Variants in CDH12 observed in about 807,000 individuals in gnomAD.
CDH12 encodes the protein cadherin 12.
Under a neutral mutation model 74.1 loss-of-function variants are expected in CDH12, and 41 were observed. That is an observed-to-expected ratio of 0.55 (90% CI 0.43 to 0.72). The LOEUF (loss-of-function observed/expected upper bound fraction) is 0.72. CDH12 is among the 30% of genes least tolerant of loss of function. CDH12 has a pLI of 0.00. For missense variants in CDH12, 945 were observed against 977.2 expected (o/e 0.97, Z 0.44); for synonymous variants, 399 against 355.0 (o/e 1.12, Z -1.39).
intron 1 of CDH12, among the ~76,000 whole-genome samples, chr5:22,661,160 A>G (rs545447559): frequency 1.3e-5 from 2 of 152,318 alleles, no homozygotes; most frequent in African/African-American, 4.8e-5. Flanking sequence ...AGATGGTACA[A>G]TCAATGAGAA....
chr5:22,756,286 A>C (rs778347275), intron 1 of CDH12, among the ~76,000 whole-genome samples: 1 of 152,110 alleles, frequency 6.6e-6, no homozygotes, highest in Non-Finnish European at 1.5e-5. Context: ...TAACAAATCC[A>C]TCGTACACTA....
intron 7 of CDH12, among the ~76,000 whole-genome samples, chr5:21,853,434 G>A (rs988357368): frequency 2.4e-4 from 36 of 151,458 alleles, no homozygotes; most frequent in Non-Finnish European, 5.9e-5. Flanking sequence ...TTTACATAAC[G>A]GAGTGACTCC....
intron 5 of CDH12, among the ~76,000 whole-genome samples, chr5:21,995,335 A>G (rs1425516389): frequency 1.3e-5 from 2 of 151,782 alleles, no homozygotes; most frequent in Admixed American, 6.6e-5. Context: ...TTCATCATGT[A>G]AATTGATATG....
intron 1 of CDH12, among the ~76,000 whole-genome samples, chr5:22,565,967 C>T (rs1739262428): frequency 6.6e-6 from 1 of 152,022 alleles, no homozygotes; most frequent in African/African-American, 2.4e-5. Context: ...ATCCAAGCAA[C>T]CATGGAAGCC....
At chr5:22,601,787 G>A (rs1312212720) in intron 1 of CDH12, among the ~76,000 whole-genome samples, 1 of 151,984 alleles carries the variant, frequency 6.6e-6, no homozygotes, top group Non-Finnish European at 1.5e-5. Flanking sequence ...GTAGATTTTA[G>A]GAAACAAGGA....
chr5:21,945,788 G>A (rs930767492), intron 6 of CDH12, among the ~76,000 whole-genome samples: 1 of 151,710 alleles, frequency 6.6e-6, no homozygotes, highest in African/African-American at 2.4e-5. Flanking sequence ...GGAAACTTTA[G>A]AACAATAATA....
intron 1 of CDH12, among the ~76,000 whole-genome samples, chr5:22,512,662 C>T (rs778605040): frequency 9.2e-5 from 14 of 152,122 alleles, no homozygotes; most frequent in Admixed American, 5.2e-4. Flanking sequence ...AATGCCCCTA[C>T]GATAATGAAA....
chr5:22,665,587 TA>T (rs1740573027), intron 1 of CDH12, among the ~76,000 whole-genome samples: 1 of 152,208 alleles, frequency 6.6e-6, no homozygotes, highest in South Asian at 2.1e-4. Flanking sequence ...CTCATCTTAG[TA>T]AAAACTTTCT....
chr5:22,635,028 T>C (rs926125858), intron 1 of CDH12, among the ~76,000 whole-genome samples: 5 of 151,808 alleles, frequency 3.3e-5, no homozygotes, highest in Non-Finnish European at 7.4e-5. Flanking sequence ...TGCAAGGAAC[T>C]TAGAATAGAC....
In CDH12 at chr5:22,269,970, C is replaced by T. The variant is rs557577635; in HGVS notation, c.-332-57327G>A. Among the ~76,000 whole-genome samples, 122 of 152,176 alleles carry T rather than the reference C, an allele frequency of 8.0e-4. 2 individuals are homozygous for T. The highest frequency in any genetic ancestry group is 2.7e-3 in the African/African-American group (114 of 41,526). Reference sequence around the variant, plus strand: ...ATTATAAAATCGTGATTCATTCTACCTATTTTGATATGGATAATTACATAC... The same window carrying T: ...ATTATAAAATCGTGATTCATTCTACTTATTTTGATATGGATAATTACATAC... On this transcript the variant is annotated intron_variant, in intron 3 of 14. Transcript: ENST00000382254.
intron 1 of CDH12, among the ~76,000 whole-genome samples, chr5:22,833,753 T>C (rs992841274): frequency 6.6e-6 from 1 of 152,208 alleles, no homozygotes; most frequent in African/African-American, 2.4e-5. Context: ...TATAATATTG[T>C]AACAGTCATT....
chr5:21,918,585 G>A (rs1047912741), intron 6 of CDH12, among the ~76,000 whole-genome samples: 1 of 152,038 alleles, frequency 6.6e-6, no homozygotes, highest in Non-Finnish European at 1.5e-5. Context: ...AAGGAGAAGT[G>A]CAAGCAGAGG....
At chr5:21,870,512 A>T (rs76331873) in intron 6 of CDH12, among the ~76,000 whole-genome samples, 1 of 152,064 alleles carries the variant, frequency 6.6e-6, no homozygotes, top group Non-Finnish European at 1.5e-5. Flanking sequence ...TAGCCATTCA[A>T]TCCTGGACTT....
At chr5:22,091,934 T>A (rs1371634935) in intron 4 of CDH12, among the ~76,000 whole-genome samples, 1 of 151,638 alleles carries the variant, frequency 6.6e-6, no homozygotes, top group Non-Finnish European at 1.5e-5. Context: ...ATGGTGGCAG[T>A]GGAGGATTAA....
intron 1 of CDH12, among the ~76,000 whole-genome samples, chr5:22,797,608 A>G (rs1374123648): frequency 6.6e-6 from 1 of 152,354 alleles, no homozygotes; most frequent in South Asian, 2.1e-4. Flanking sequence ...GATATTTGTC[A>G]GTAACCAGTA....
chr5:21,767,040 C>T (rs1745065908), intron 11 of CDH12, among the ~76,000 whole-genome samples: 1 of 151,706 alleles, frequency 6.6e-6, no homozygotes, highest in Admixed American at 6.6e-5. Context: ...ACCACTTTGA[C>T]AATTATATAG....
chr5:22,431,547 C>T (rs1343943133), intron 2 of CDH12, among the ~76,000 whole-genome samples: 1 of 152,196 alleles, frequency 6.6e-6, no homozygotes, highest in African/African-American at 2.4e-5. Flanking sequence ...TGGACTCCTT[C>T]TACTTATTAA....
chr5:21,792,758 ACTT>A (rs917028098), intron 10 of CDH12, among the ~76,000 whole-genome samples: 1 of 151,618 alleles, frequency 6.6e-6, no homozygotes, highest in Non-Finnish European at 1.5e-5. Context: ...TTTGACAAGA[ACTT>A]CTTCTGCCCC....
intron 1 of CDH12, among the ~76,000 whole-genome samples, chr5:22,736,375 C>A (rs1304691236): frequency 4.6e-5 from 7 of 151,368 alleles, no homozygotes. Flanking sequence ...ACTGCAAAAT[C>A]CTTTTTGTGT....
Sources: gnomAD v4.1 joint callset for allele counts (sites outside exome capture counted in the v4.1 genomes callset) on GRCh38, gnomAD v4.1.1 for gene constraint, MANE v1.5 for transcripts, NCBI Gene and HGNC (gene_info 2026-07-23, HGNC 2026-07-21) for gene names.